The following KIF2A variants were observed in gnomAD, a reference collection of about 807,000 sequenced individuals.
KIF2A encodes the protein kinesin-like protein KIF2A.
In KIF2A, 22 loss-of-function variants were observed where a neutral mutation model predicts 100.2. The observed-to-expected ratio is 0.22, with a 90% confidence interval of 0.16 to 0.31. The LOEUF (loss-of-function observed/expected upper bound fraction) is 0.31, where lower values mean the gene tolerates loss of function less well. Ranked by LOEUF, KIF2A falls within the 10% of genes least tolerant of loss-of-function variation. The pLI, the probability that KIF2A is intolerant of heterozygous loss-of-function variation, is 1.00. For missense variants in KIF2A, 495 were observed against 898.7 expected, an observed-to-expected ratio of 0.55 and a Z score of 5.74; for synonymous variants, 268 against 285.9, an observed-to-expected ratio of 0.94 and a Z score of 0.63.
chr5:62,331,785 G>A (rs892714971), intron 1 of KIF2A, among the ~76,000 whole-genome samples: 1 of 149,032 alleles, frequency 6.7e-6, no homozygotes, highest in African/African-American at 2.5e-5. Flanking sequence ...ACAACATAGA[G>A]TTTGTAATCC....
intron 1 of KIF2A, among the ~76,000 whole-genome samples, chr5:62,337,454 C>T (rs1051136639): frequency 2.0e-5 from 3 of 151,628 alleles, no homozygotes; most frequent in African/African-American, 7.3e-5. Context: ...ATCACACCAT[C>T]GCACTCCAGC....
intron 7 of KIF2A, among the ~76,000 whole-genome samples, chr5:62,356,838 TG>T (rs1200866065): frequency 2.0e-5 from 3 of 147,180 alleles, no homozygotes; most frequent in Non-Finnish European, 4.5e-5. Context: ...CAGGCTGAGG[TG>T]GAGTGGCAGG....
At chr5:62,376,641 G>A (rs1487743213) in intron 18 of KIF2A, among the ~76,000 whole-genome samples, 1 of 151,728 alleles carries the variant, frequency 6.6e-6, no homozygotes, top group South Asian at 2.1e-4. Flanking sequence ...AGCTGGTTTC[G>A]AACTCCTGAC....
chr5:62,306,641 G>A (rs1235766148), intron 1 of KIF2A, 105 bp downstream of exon 1: 2 of 956,864 alleles, frequency 2.1e-6, no homozygotes, highest in African/African-American at 1.7e-5. Context: ...GCCGGGCTGT[G>A]GGGGTGGGAA....
chr5:62,328,634 G>A (rs567575018), intron 1 of KIF2A, among the ~76,000 whole-genome samples: 42 of 152,088 alleles, frequency 2.8e-4, no homozygotes, highest in Non-Finnish European at 5.3e-4. Context: ...TGGGATTACA[G>A]GCATGTGCCA....
intron 18 of KIF2A, among the ~76,000 whole-genome samples, chr5:62,374,569 C>G (rs1165452208): frequency 3.3e-5 from 5 of 151,930 alleles, no homozygotes; most frequent in Non-Finnish European, 7.4e-5. Flanking sequence ...TTTTTGTCTG[C>G]TATTAAAATT....
chr5:62,345,490 A>AAAAAAG (rs576629531), intron 1 of KIF2A, among the ~76,000 whole-genome samples: 134 of 147,930 alleles, frequency 9.1e-4, no homozygotes, highest in Non-Finnish European at 1.4e-3. Flanking sequence ...TCAAAAAAAA[A>AAAAAAG]AAAAGAAAAG....
intron 1 of KIF2A, among the ~76,000 whole-genome samples, chr5:62,309,999 A>G (rs1295591000): frequency 6.6e-6 from 1 of 151,222 alleles, no homozygotes; most frequent in Admixed American, 6.6e-5. Flanking sequence ...GCTCATACCT[A>G]TGGGTACATA....
At chr5:62,323,210 C>T (rs1209638395) in intron 1 of KIF2A, among the ~76,000 whole-genome samples, 4 of 150,182 alleles carry the variant, frequency 2.7e-5, no homozygotes. Context: ...GAGCCAAGAT[C>T]ACGCCATTGC....
chr5:62,383,109 T>C (rs1027185004), intron 20 of KIF2A, among the ~76,000 whole-genome samples: 1 of 151,018 alleles, frequency 6.6e-6, no homozygotes, highest in African/African-American at 2.4e-5. Context: ...GTATTTTTAG[T>C]AGAGACCGGG....
At chr5:62,353,212 A>G in intron 5 of KIF2A, 63 bp from the exon 6 acceptor site, 1 of 846,442 alleles carries the variant, frequency 1.2e-6, no homozygotes, top group Non-Finnish European at 1.8e-6. Context: ...TACATAAAAA[A>G]AGTTTAATAT....
intron 19 of KIF2A, among the ~76,000 whole-genome samples, chr5:62,380,008 C>A (rs2112003997): frequency 6.6e-6 from 1 of 152,296 alleles, no homozygotes; most frequent in Admixed American, 6.5e-5. Flanking sequence ...TTTCCTGCCT[C>A]AGCCTCCCAA....
intron 1 of KIF2A, among the ~76,000 whole-genome samples, chr5:62,312,552 T>A (rs7446543): frequency 2.0e-5 from 3 of 152,210 alleles, no homozygotes; most frequent in African/African-American, 7.2e-5. Context: ...TTGTTTGTTT[T>A]GAGATTACGA....
intron 3 of KIF2A, among the ~76,000 whole-genome samples, chr5:62,349,268 G>T (rs1747727094): frequency 1.3e-5 from 2 of 150,800 alleles, no homozygotes; most frequent in Non-Finnish European, 3.0e-5. Flanking sequence ...TAAAAATAAG[G>T]ATTTATTTTA....
Position 62,385,715 on chromosome 5 carries a change from GA to G in KIF2A, c.*149del. On this transcript the variant is annotated 3_prime_UTR_variant, in exon 21 of 21. Coordinates refer to ENST00000407818, the MANE Select transcript of KIF2A (RefSeq NM_001098511.3). ...CACCTGAATTACATTTCAATTTTGTGAAACACTCTTTTGTCTACAAAATGCT... is the reference window on the plus strand; with the variant it reads ...CACCTGAATTACATTTCAATTTTGTGAACACTCTTTTGTCTACAAAATGCT... 1.6e-6 allele frequency: 1 copy of G among 615,888 alleles called. No individual in the cohort carries two copies. The highest frequency in any genetic ancestry group is 2.9e-6 in the Non-Finnish European group (1 of 341,606). 38.2% of individuals were successfully genotyped at this position (615,888 alleles called of 1,614,324 possible). A position where few individuals can be genotyped will look rare whatever the true frequency, so the allele number is the denominator to read the frequency against.
intron 15 of KIF2A, among the ~76,000 whole-genome samples, chr5:62,365,561 G>A (rs1171548193): frequency 6.6e-6 from 1 of 152,012 alleles, no homozygotes; most frequent in Non-Finnish European, 1.5e-5. Flanking sequence ...GTTATTGAGG[G>A]CTGGTCTTTC....
chr5:62,317,779 T>C (rs1330831100), intron 1 of KIF2A, among the ~76,000 whole-genome samples: 1 of 152,236 alleles, frequency 6.6e-6, no homozygotes, highest in Non-Finnish European at 1.5e-5. Context: ...TGAAGGACTT[T>C]TCTCTAGAAG....
Position 62,312,790 on chromosome 5 carries a change from C to G in KIF2A, c.64+6254C>G, listed in dbSNP as rs1745618035. Among the ~76,000 whole-genome samples, 3 of 152,266 alleles carry G rather than the reference C, an allele frequency of 2.0e-5. No individual in the cohort carries two copies. The South Asian group carries it at 6.2e-4, about 32-fold the overall frequency. On this transcript the variant is annotated intron_variant, in intron 1 of 20. Coordinates refer to ENST00000407818, the MANE Select transcript of KIF2A (RefSeq NM_001098511.3). ...AGTGTTCCTTTTAAAAGTCATGCTTCTAGGCTGAGCATGGTAGTTCATGCC... is the reference window on the plus strand; with the variant it reads ...AGTGTTCCTTTTAAAAGTCATGCTTGTAGGCTGAGCATGGTAGTTCATGCC...
At chr5:62,380,602 A>G (rs533287454) in intron 19 of KIF2A, among the ~76,000 whole-genome samples, 1 of 152,206 alleles carries the variant, frequency 6.6e-6, no homozygotes, top group East Asian at 1.9e-4. Context: ...AAGCCTTACC[A>G]ATAACATAAA....
Sources: gnomAD v4.1 joint callset for allele counts (sites outside exome capture counted in the v4.1 genomes callset) on GRCh38, gnomAD v4.1.1 for gene constraint, MANE v1.5 for transcripts, NCBI Gene and HGNC (gene_info 2026-07-23, HGNC 2026-07-21) for gene names.